The following LINGO2 variants were observed in gnomAD, a reference collection of about 807,000 sequenced individuals.
LINGO2 encodes the protein leucine rich repeat and Ig domain containing 2.
Under a neutral mutation model 30.6 loss-of-function variants are expected in LINGO2, and 14 were observed. The observed-to-expected ratio is 0.46, with a 90% CI of 0.30 to 0.72. The LOEUF (loss-of-function observed/expected upper bound fraction) is 0.72, where lower values mean the gene tolerates loss of function less well. Ranked by LOEUF, LINGO2 falls within the 30% of genes least tolerant of loss-of-function variation. The pLI is 0.07. For missense variants in LINGO2, 729 were observed against 751.7 expected, an observed-to-expected ratio of 0.97 and a Z score of 0.35; for synonymous variants, 317 against 288.5, an observed-to-expected ratio of 1.10 and a Z score of -1.00.
the LINGO2 span, among the ~76,000 whole-genome samples, chr9:29,093,031 A>G: frequency 0.011 from 95 of 8,326 alleles, 13 homozygotes; most frequent in Admixed American, 0.066. Flanking sequence ...ATGTGTGTGT[A>G]TATATATATA....
intron 2 of LINGO2, among the ~76,000 whole-genome samples, chr9:28,383,177 T>G (rs1821421640): frequency 6.6e-6 from 1 of 151,884 alleles, no homozygotes; most frequent in Non-Finnish European, 1.5e-5. Flanking sequence ...CCTCCATGGG[T>G]GACTTCTGCC....
the LINGO2 span, among the ~76,000 whole-genome samples, chr9:29,011,276 G>C: frequency 6.6e-6 from 1 of 152,162 alleles, no homozygotes; most frequent in African/African-American, 2.4e-5. Flanking sequence ...CTGAATGTAG[G>C]CACCATTTGT....
chr9:28,504,410 C>A (rs1453964218), intron 1 of LINGO2, among the ~76,000 whole-genome samples: 1 of 151,402 alleles, frequency 6.6e-6, no homozygotes, highest in Non-Finnish European at 1.5e-5. Flanking sequence ...TGGCATAATG[C>A]TTCACAAGGG....
chr9:28,312,369 T>A (rs1824660088), intron 3 of LINGO2, among the ~76,000 whole-genome samples: 1 of 151,756 alleles, frequency 6.6e-6, no homozygotes, highest in Non-Finnish European at 1.5e-5. Flanking sequence ...GAGGGGGTAA[T>A]AGAGAGAGGG....
intron 3 of LINGO2, among the ~76,000 whole-genome samples, chr9:28,312,038 C>T (rs537697472): frequency 8.5e-5 from 13 of 152,138 alleles, no homozygotes; most frequent in South Asian, 6.2e-4. Flanking sequence ...TCCCTCCGTT[C>T]GGGGTCCCTG....
At chr9:28,509,717 G>A (rs113917103) in intron 1 of LINGO2, among the ~76,000 whole-genome samples, 2 of 152,276 alleles carry the variant, frequency 1.3e-5, no homozygotes, top group African/African-American at 4.8e-5. Context: ...TAGGAAGAAA[G>A]AGAAGCCTCA....
At chr9:28,166,064 TAAAC>T (rs1273491732) in intron 4 of LINGO2, among the ~76,000 whole-genome samples, 1 of 152,170 alleles carries the variant, frequency 6.6e-6, no homozygotes, top group Non-Finnish European at 1.5e-5. Context: ...AAAAGACACT[TAAAC>T]AATTTTCATT....
At chr9:28,179,367 GTATAT>G (rs1828839116) in intron 4 of LINGO2, among the ~76,000 whole-genome samples, 1 of 114,894 alleles carries the variant, frequency 8.7e-6, no homozygotes, top group Admixed American at 9.2e-5. Flanking sequence ...CTATATGTAT[GTATAT>G]TATGCTATAT....
intron 3 of LINGO2, among the ~76,000 whole-genome samples, chr9:28,301,809 T>C (rs1824156407): frequency 6.6e-6 from 1 of 152,036 alleles, no homozygotes; most frequent in Non-Finnish European, 1.5e-5. Context: ...AAATACAGAA[T>C]GTTAAAGGCA....
At chr9:28,664,481 C>T (rs1056097200) in intron 1 of LINGO2, among the ~76,000 whole-genome samples, 1 of 151,886 alleles carries the variant, frequency 6.6e-6, no homozygotes, top group African/African-American at 2.4e-5. Context: ...GAAAAATAGT[C>T]AGAGAGAGAA....
At chr9:28,196,781 A>G (rs1820028763) in intron 4 of LINGO2, among the ~76,000 whole-genome samples, 1 of 151,988 alleles carries the variant, frequency 6.6e-6, no homozygotes, top group Non-Finnish European at 1.5e-5. Context: ...ATGTTATGTT[A>G]AACAAAATAA....
chr9:28,062,557 C>T (rs13295039), intron 4 of LINGO2, among the ~76,000 whole-genome samples: 4 of 73,368 alleles, frequency 5.5e-5, no homozygotes, highest in African/African-American at 1.3e-4. Context: ...ATTGTATATA[C>T]ATATATAGTA....
At chr9:28,283,040 C>T (rs1823384518) in intron 4 of LINGO2, among the ~76,000 whole-genome samples, 1 of 152,122 alleles carries the variant, frequency 6.6e-6, no homozygotes, top group Non-Finnish European at 1.5e-5. Flanking sequence ...ATGTATTTGG[C>T]TACAAAGCCC....
chr9:28,451,075 G>T (rs139224893), intron 2 of LINGO2, among the ~76,000 whole-genome samples: 1 of 151,756 alleles, frequency 6.6e-6, no homozygotes, highest in Non-Finnish European at 1.5e-5. Flanking sequence ...TAAAATTTTT[G>T]AATGCAAGTG....
At chr9:28,383,254 T>TTTTGTGTGTGTGTG (rs1554714265) in intron 2 of LINGO2, among the ~76,000 whole-genome samples, 792 of 73,690 alleles carry the variant, frequency 0.011, 10 homozygotes, top group African/African-American at 0.026. Context: ...TCACCATTCA[T>TTTTGTGTGTGTGTG]TGTGTGTGTG....
At chr9:28,204,703 G>T (rs1376046113) in intron 4 of LINGO2, among the ~76,000 whole-genome samples, 3 of 152,112 alleles carry the variant, frequency 2.0e-5, no homozygotes, top group Non-Finnish European at 4.4e-5. Context: ...AGAAGAATTT[G>T]TGTTTTTAAT....
chr9:28,497,125 T>A (rs923539254), intron 1 of LINGO2, among the ~76,000 whole-genome samples: 1 of 152,144 alleles, frequency 6.6e-6, no homozygotes, highest in Non-Finnish European at 1.5e-5. Flanking sequence ...GTGAATCTGA[T>A]AATTATGTTT....
At chr9:28,655,833 T>A (rs1828311066) in intron 1 of LINGO2, among the ~76,000 whole-genome samples, 1 of 152,098 alleles carries the variant, frequency 6.6e-6, no homozygotes, top group South Asian at 2.1e-4. Context: ...TCCCCAGACA[T>A]GCTGAACTGT....
At chr9:28,540,727 C>T (rs934569365) in intron 1 of LINGO2, among the ~76,000 whole-genome samples, 1 of 152,182 alleles carries the variant, frequency 6.6e-6, no homozygotes, top group African/African-American at 2.4e-5. Flanking sequence ...CATCACTCCA[C>T]CAAGTAAGTG....
Sources: allele counts gnomAD v4.1 joint callset (sites outside exome capture counted in the v4.1 genomes callset), GRCh38; gene constraint gnomAD v4.1.1; transcripts MANE v1.5; gene names NCBI Gene and HGNC (gene_info 2026-07-23, HGNC 2026-07-21).